Variants in TMEM131 observed in about 807,000 individuals in gnomAD.
TMEM131 encodes the protein 2610524E03Rik.
TMEM131 carries 66 observed loss-of-function variants against 211.6 expected under a neutral mutation model. The observed-to-expected ratio is 0.31, with a 90% CI of 0.26 to 0.38. TMEM131 has a LOEUF of 0.38. TMEM131 is among the 10% of genes least tolerant of loss of function. The pLI is 1.00. For missense variants in TMEM131, 2,036 were observed against 2,299.3 expected (o/e 0.89, Z 2.34); for synonymous variants, 844 against 841.3 (o/e 1.00, Z -0.06).
chr2:97,854,338 A>C (rs561397775), intron 5 of TMEM131, among the ~76,000 whole-genome samples: 1 of 152,326 alleles, frequency 6.6e-6, no homozygotes, highest in East Asian at 1.9e-4. Flanking sequence ...TATAAACATA[A>C]CTTTTATATA....
intron 5 of TMEM131, among the ~76,000 whole-genome samples, chr2:97,847,308 CT>C (rs967305747): frequency 1.3e-4 from 20 of 152,152 alleles, no homozygotes; most frequent in Admixed American, 3.3e-4. Context: ...CTAAAAATAT[CT>C]ATAAAAATCC....
intron 1 of TMEM131, among the ~76,000 whole-genome samples, chr2:97,993,316 G>A (rs747107415): frequency 6.6e-6 from 1 of 152,138 alleles, no homozygotes; most frequent in African/African-American, 2.4e-5. Context: ...TCAGAAATCT[G>A]CCCAAACTTG....
intron 2 of TMEM131, among the ~76,000 whole-genome samples, chr2:97,916,716 G>T (rs1315950889): frequency 6.6e-6 from 1 of 152,180 alleles, no homozygotes; most frequent in Non-Finnish European, 1.5e-5. Flanking sequence ...CCCTGTTATT[G>T]CAGAGCGGTT....
chr2:97,771,169 T>C (rs888048637), intron 33 of TMEM131, among the ~76,000 whole-genome samples: 3 of 152,176 alleles, frequency 2.0e-5, no homozygotes, highest in Non-Finnish European at 4.4e-5. Flanking sequence ...TCTCAACAAA[T>C]TGTGGGACCT....
intron 5 of TMEM131, among the ~76,000 whole-genome samples, chr2:97,846,383 T>C (rs1317741001): frequency 1.3e-5 from 2 of 152,118 alleles, no homozygotes; most frequent in African/African-American, 2.4e-5. Context: ...GCAATTCTAG[T>C]TCAACATTCA....
intron 11 of TMEM131, among the ~76,000 whole-genome samples, chr2:97,829,384 C>T (rs367756887): frequency 6.5e-5 from 9 of 139,132 alleles, no homozygotes; most frequent in Middle Eastern, 7.5e-3. Context: ...TCGGTAAAAA[C>T]GCACCAATCA....
At chr2:97,964,585 C>T (rs1351067207) in intron 1 of TMEM131, among the ~76,000 whole-genome samples, 4 of 152,168 alleles carry the variant, frequency 2.6e-5, no homozygotes, top group African/African-American at 9.7e-5. Flanking sequence ...ACGTCCTTGA[C>T]TAAGTCAATT....
chr2:97,808,286 G>A (rs1412855222), intron 19 of TMEM131, among the ~76,000 whole-genome samples: 1 of 152,074 alleles, frequency 6.6e-6, no homozygotes, highest in East Asian at 1.9e-4. Flanking sequence ...TTTGGGTTAG[G>A]GATGCTCAAC....
At chr2:97,911,522 A>C (rs1224732867) in intron 2 of TMEM131, 1 of 477,130 alleles carries the variant, frequency 2.1e-6, no homozygotes, top group African/African-American at 2.1e-5. Context: ...ACAGAAAAGG[A>C]ACTCAGGACG....
chr2:97,766,399 A>C (rs999601018), intron 34 of TMEM131, 79 bp downstream of exon 34: 4 of 1,605,706 alleles, frequency 2.5e-6, no homozygotes, highest in Non-Finnish European at 3.4e-6. Flanking sequence ...CTGCTTACTG[A>C]TAATGCACAA....
At chr2:97,789,730 T>C (rs1181890463) in intron 31 of TMEM131, among the ~76,000 whole-genome samples, 5 of 152,058 alleles carry the variant, frequency 3.3e-5, no homozygotes, top group Non-Finnish European at 2.9e-5. Flanking sequence ...CTTTCTTGGG[T>C]TTTAGCCCTC....
chr2:97,894,993 T>C (rs1220051103), intron 3 of TMEM131, among the ~76,000 whole-genome samples: 3 of 152,230 alleles, frequency 2.0e-5, no homozygotes, highest in Non-Finnish European at 2.9e-5. Flanking sequence ...TTCAGCTTGA[T>C]AGTCGCTGTT....
Position 97,760,902 on chromosome 2 carries a change from T to C in TMEM131, c.4902A>G (p.Ile1634Met). Residue 1634 changes from isoleucine to methionine, a missense_variant, in exon 37 of 41, where the codon ATA becomes ATG. Ile to Met is a conservative substitution (Grantham distance 10). Transcript: ENST00000186436. ...TGTGTTTGCTTCCATTTGGCTGTTTTATTTTAGGGTCACTTGAAAAAGAAG... is the reference window on the plus strand; with the variant it reads ...TGTGTTTGCTTCCATTTGGCTGTTTCATTTTAGGGTCACTTGAAAAAGAAG... ...VNSSSSSDPK[I>M]KQPNGSKHKL... 6.2e-7 allele frequency: 1 copy of C among 1,613,994 alleles called. No homozygotes were observed. The highest frequency in any genetic ancestry group is 8.5e-7 in the Non-Finnish European group (1 of 1,179,888).
At chr2:97,932,533 T>C (rs1387200705) in intron 1 of TMEM131, among the ~76,000 whole-genome samples, 1 of 152,220 alleles carries the variant, frequency 6.6e-6, no homozygotes, top group Non-Finnish European at 1.5e-5. Flanking sequence ...ATGTGCAGGA[T>C]ATATACCATA....
chr2:97,904,824 T>G (rs1676003145), intron 3 of TMEM131, among the ~76,000 whole-genome samples: 1 of 151,986 alleles, frequency 6.6e-6, no homozygotes, highest in Non-Finnish European at 1.5e-5. Context: ...TTTTAATGTT[T>G]CGTGTGGGGC....
chr2:97,943,492 T>C (rs1010331957), intron 1 of TMEM131, among the ~76,000 whole-genome samples: 8 of 152,180 alleles, frequency 5.3e-5, no homozygotes, highest in African/African-American at 1.9e-4. Context: ...CACTGTGAAC[T>C]ACAAAGCATC....
chr2:97,939,212 A>G (rs1573585804), intron 1 of TMEM131, among the ~76,000 whole-genome samples: 2 of 152,212 alleles, frequency 1.3e-5, no homozygotes, highest in African/African-American at 4.8e-5. Flanking sequence ...GACAAAAAAA[A>G]CCCTTCAAAA....
intron 1 of TMEM131, among the ~76,000 whole-genome samples, chr2:97,947,320 C>T (rs1405853189): frequency 6.6e-6 from 1 of 151,966 alleles, no homozygotes; most frequent in Non-Finnish European, 1.5e-5. Context: ...TCTCCTATAA[C>T]ACCTATAAAA....
chr2:97,815,725 C>T (rs746491460), intron 12 of TMEM131, among the ~76,000 whole-genome samples: 4 of 152,144 alleles, frequency 2.6e-5, no homozygotes, highest in African/African-American at 4.8e-5. Context: ...ACTTGCTAGA[C>T]GGCAGTAGCA....
Sources: gnomAD v4.1 joint callset for allele counts (sites outside exome capture counted in the v4.1 genomes callset) on GRCh38, gnomAD v4.1.1 for gene constraint, MANE v1.5 for transcripts, NCBI Gene and HGNC (gene_info 2026-07-23, HGNC 2026-07-21) for gene names.